PAK1: variants seen among roughly 807,000 people sequenced by gnomAD.
PAK1 encodes the protein p21 (RAC1) activated kinase 1.
In PAK1, 29 loss-of-function variants were observed where a neutral mutation model predicts 67.4. The observed-to-expected ratio is 0.43, with a 90% CI of 0.32 to 0.59. The LOEUF is 0.59. PAK1 is among the 20% of genes least tolerant of loss of function. PAK1 has a pLI of 0.07. For missense variants in PAK1, 337 were observed against 670.7 expected, an observed-to-expected ratio of 0.50 and a Z score of 5.50; for synonymous variants, 223 against 237.4, an observed-to-expected ratio of 0.94 and a Z score of 0.56.
At chr11:77,517,998 AC>A in the PAK1 span, among the ~76,000 whole-genome samples, 8 of 152,056 alleles carry the variant, frequency 5.3e-5, no homozygotes, top group Admixed American at 1.3e-4. Flanking sequence ...CCTGCCACTC[AC>A]CTCCTGCTGT....
chr11:77,407,549 G>A (rs1251306310), intron 1 of PAK1, among the ~76,000 whole-genome samples: 2 of 152,158 alleles, frequency 1.3e-5, no homozygotes, highest in South Asian at 4.1e-4. Flanking sequence ...ATGCACTCGG[G>A]AACAACCACA....
the PAK1 span, among the ~76,000 whole-genome samples, chr11:77,496,453 G>T: frequency 6.6e-6 from 1 of 151,880 alleles, no homozygotes; most frequent in Non-Finnish European, 1.5e-5. Context: ...GTGAAACCCT[G>T]GCTCTACAAA....
chr11:77,429,231 T>G (rs1274307955), intron 1 of PAK1, among the ~76,000 whole-genome samples: 1 of 151,966 alleles, frequency 6.6e-6, no homozygotes, highest in Non-Finnish European at 1.5e-5. Context: ...GAAGCCAACT[T>G]CTGATTTGGC....
At chr11:77,513,783 G>A in the PAK1 span, among the ~76,000 whole-genome samples, 8 of 151,430 alleles carry the variant, frequency 5.3e-5, no homozygotes. Flanking sequence ...GATGATGGTG[G>A]AAAGGAAGTA....
chr11:77,428,893 G>A lies in PAK1; in HGVS notation c.-21-36352C>T, dbSNP rs192653061. On this transcript the variant is annotated intron_variant, in intron 1 of 14. Transcript: ENST00000356341. ...CCTGCTATAGGGTACCAAAGCCCAA[G>A]CAAGATAAGGAGGGCATCCACACAG... Among the ~76,000 whole-genome samples the A allele has an allele frequency of 2.0e-3, 306 of 151,552 alleles. 1 individual carries two copies. The highest frequency in any genetic ancestry group is 7.2e-3 in the African/African-American group (297 of 41,292).
chr11:77,385,408 C>T (rs1245936921), intron 2 of PAK1, among the ~76,000 whole-genome samples: 1 of 152,136 alleles, frequency 6.6e-6, no homozygotes, highest in Admixed American at 6.5e-5. Flanking sequence ...ATAAATTTGA[C>T]CACATTAAAA....
At chr11:77,393,504 C>A (rs1057450906) in intron 1 of PAK1, among the ~76,000 whole-genome samples, 1 of 152,030 alleles carries the variant, frequency 6.6e-6, no homozygotes, top group African/African-American at 2.4e-5. Context: ...CCTATGTTGC[C>A]CAGGCTGGTC....
the PAK1 span, among the ~76,000 whole-genome samples, chr11:77,525,286 C>T: frequency 6.6e-6 from 1 of 151,254 alleles, no homozygotes; most frequent in Non-Finnish European, 1.5e-5. Flanking sequence ...AGGCGGATCA[C>T]GCCACTGTAC....
At chr11:77,396,291 T>C (rs1255607506) in intron 1 of PAK1, among the ~76,000 whole-genome samples, 1 of 152,242 alleles carries the variant, frequency 6.6e-6, no homozygotes, top group African/African-American at 2.4e-5. Flanking sequence ...GCTTGAAAAG[T>C]TGCAATGACA....
intron 1 of PAK1, among the ~76,000 whole-genome samples, chr11:77,421,233 G>C (rs971639019): frequency 5.9e-5 from 9 of 152,022 alleles, no homozygotes; most frequent in African/African-American, 2.2e-4. Flanking sequence ...GGCTTTCTCC[G>C]ACAGGCTATA....
chr11:77,370,175 C>A (rs931467826), intron 5 of PAK1, among the ~76,000 whole-genome samples: 2 of 152,148 alleles, frequency 1.3e-5, no homozygotes, highest in African/African-American at 4.8e-5. Context: ...TAGAGATTCC[C>A]CTCCTCCCAG....
chr11:77,466,596 C>G (rs1957608508), intron 1 of PAK1, among the ~76,000 whole-genome samples: 1 of 150,480 alleles, frequency 6.6e-6, no homozygotes. Context: ...GAGCAAGACT[C>G]CATCTCAAAA....
intron 1 of PAK1, among the ~76,000 whole-genome samples, chr11:77,397,723 C>T (rs1475794592): frequency 2.0e-5 from 3 of 152,196 alleles, no homozygotes; most frequent in African/African-American, 7.2e-5. Context: ...ATTCCACAGT[C>T]ACCGGTATAA....
chr11:77,514,756 C>G, the PAK1 span, among the ~76,000 whole-genome samples: 1 of 152,270 alleles, frequency 6.6e-6, no homozygotes, highest in East Asian at 1.9e-4. Flanking sequence ...AACATGAGAT[C>G]AGCACATCAA....
chr11:77,479,032 C>T (rs1464412465), upstream of PAK1, among the ~76,000 whole-genome samples: 1 of 150,460 alleles, frequency 6.6e-6, no homozygotes, highest in African/African-American at 2.5e-5. Flanking sequence ...TTGCAGTGAG[C>T]CGAGACCGCG....
intron 1 of PAK1, among the ~76,000 whole-genome samples, chr11:77,468,408 C>G (rs979393321): frequency 6.6e-6 from 1 of 152,066 alleles, no homozygotes; most frequent in Non-Finnish European, 1.5e-5. Flanking sequence ...ATGACTTTCC[C>G]CATCTCAAAA....
At chr11:77,406,920 T>C (rs1208278643) in intron 1 of PAK1, among the ~76,000 whole-genome samples, 1 of 152,116 alleles carries the variant, frequency 6.6e-6, no homozygotes, top group Non-Finnish European at 1.5e-5. Flanking sequence ...ACTGGCACTA[T>C]TGATTGGTGA....
intron 1 of PAK1, among the ~76,000 whole-genome samples, chr11:77,447,129 T>C (rs771547287): frequency 2.0e-5 from 3 of 152,184 alleles, no homozygotes; most frequent in Non-Finnish European, 4.4e-5. Context: ...CATCCGCTAT[T>C]AGCCAACTTA....
At chr11:77,437,212 C>G (rs1956164543) in intron 1 of PAK1, among the ~76,000 whole-genome samples, 1 of 152,180 alleles carries the variant, frequency 6.6e-6, no homozygotes, top group Non-Finnish European at 1.5e-5. Flanking sequence ...AACATCAGAA[C>G]TCACTTCACA....
Sources: allele counts gnomAD v4.1 joint callset (sites outside exome capture counted in the v4.1 genomes callset), GRCh38; gene constraint gnomAD v4.1.1; transcripts MANE v1.5; gene names NCBI Gene and HGNC (gene_info 2026-07-23, HGNC 2026-07-21).